Variants in LPCAT3 observed in about 807,000 individuals in gnomAD.
The protein encoded by LPCAT3 is lysophosphatidylcholine acyltransferase 3, also known as lysophospholipid acyltransferase 5.
Under a neutral mutation model 63.4 loss-of-function variants are expected in LPCAT3, and 21 were observed. The ratio of observed to expected loss-of-function variants is 0.33; its 90% CI spans 0.23 to 0.48. The LOEUF (loss-of-function observed/expected upper bound fraction) is 0.48, where lower values mean the gene tolerates loss of function less well. Among genes scored for constraint, LPCAT3 ranks in the 20% least tolerant of loss-of-function variants. LPCAT3 has a pLI of 0.99. For synonymous variants in LPCAT3, 242 were observed against 227.5 expected, an observed-to-expected ratio of 1.06 and a Z score of -0.58; for missense variants, 451 against 590.6, an observed-to-expected ratio of 0.76 and a Z score of 2.45.
At chr12:6,985,897 C>T in intron 1 of LPCAT3, among the ~76,000 whole-genome samples, 1 of 151,374 alleles carries the variant, frequency 6.6e-6, no homozygotes. Flanking sequence ...GCTTCAGCCT[C>T]CCAAGTAGCT....
chr12:7,011,592 G>A (rs782327616), intron 1 of LPCAT3, among the ~76,000 whole-genome samples: 1 of 147,758 alleles, frequency 6.8e-6, no homozygotes, highest in East Asian at 2.0e-4. Flanking sequence ...ACGTTGCAGT[G>A]AGCTGAGATT....
intron 1 of LPCAT3, among the ~76,000 whole-genome samples, chr12:7,011,941 A>T (rs1555157268): frequency 6.6e-6 from 1 of 152,196 alleles, no homozygotes; most frequent in Non-Finnish European, 1.5e-5. Context: ...TTGTGATTCC[A>T]GTGCTACCTG....
At chr12:7,006,913 C>T (rs911372213) in intron 1 of LPCAT3, among the ~76,000 whole-genome samples, 1 of 152,186 alleles carries the variant, frequency 6.6e-6, no homozygotes, top group African/African-American at 2.4e-5. Context: ...AAGCCATTTA[C>T]CACATCTACA....
intron 1 of LPCAT3, among the ~76,000 whole-genome samples, chr12:6,992,867 T>G (rs1238625999): frequency 6.6e-6 from 1 of 152,244 alleles, no homozygotes; most frequent in Non-Finnish European, 1.5e-5. Flanking sequence ...TAGTATTGCA[T>G]GTAACCTATG....
At chr12:6,986,094 A>G (rs1167816696) in intron 1 of LPCAT3, among the ~76,000 whole-genome samples, 4 of 151,584 alleles carry the variant, frequency 2.6e-5, no homozygotes, top group Non-Finnish European at 5.9e-5. Context: ...TTTTTTTTTA[A>G]TTGCTGTTCC....
intron 1 of LPCAT3, among the ~76,000 whole-genome samples, chr12:6,989,107 A>T (rs1946561189): frequency 6.6e-6 from 1 of 150,930 alleles, no homozygotes; most frequent in Admixed American, 6.6e-5. Flanking sequence ...TGGCAACAAG[A>T]GCGAAACTCC....
chr12:7,010,677 T>A (rs989124483), intron 1 of LPCAT3, among the ~76,000 whole-genome samples: 1 of 152,210 alleles, frequency 6.6e-6, no homozygotes, highest in Non-Finnish European at 1.5e-5. Flanking sequence ...ATTATATAAT[T>A]TTTTTTGTAA....
At chr12:7,015,042 A>G (rs1946788946) in intron 1 of LPCAT3, among the ~76,000 whole-genome samples, 1 of 152,254 alleles carries the variant, frequency 6.6e-6, no homozygotes, top group Non-Finnish European at 1.5e-5. Flanking sequence ...GTGTATACAC[A>G]TACAAGTCTG....
At chr12:6,990,767 ACC>A (rs1946581655) in intron 1 of LPCAT3, among the ~76,000 whole-genome samples, 2 of 150,770 alleles carry the variant, frequency 1.3e-5, no homozygotes, top group South Asian at 4.2e-4. Flanking sequence ...AAATACAAAA[ACC>A]AGCCAGACAT....
At chr12:7,006,279 C>T (rs1294000346) in intron 1 of LPCAT3, among the ~76,000 whole-genome samples, 1 of 152,186 alleles carries the variant, frequency 6.6e-6, no homozygotes, top group East Asian at 1.9e-4. Context: ...AGTACAGTGG[C>T]GTGATCTTGG....
chr12:7,000,478 C>T (rs1946675516), intron 1 of LPCAT3, among the ~76,000 whole-genome samples: 2 of 145,602 alleles, frequency 1.4e-5, no homozygotes, highest in Admixed American at 6.9e-5. Context: ...GTCCCAGCTA[C>T]TCGGGAGGCT....
At position 6,977,784 on chromosome 12, in the gene LPCAT3, T is replaced by C. The variant is rs1199861607; in HGVS notation, c.1041-39A>G. ...TGGGTGGGGCGACCCTCAAACTGAC[T>C]GGTCCTTGCATCCCGCCACCTGCCT... On this transcript the variant is annotated intron_variant, in intron 9 of 12. Coordinates refer to ENST00000261407, the MANE Select transcript of LPCAT3 (RefSeq NM_005768.6). This position sits in a 1 kb window ranked among gnomAD's most constrained non-coding sequence, Gnocchi z 4.5. 2 of 1,611,884 alleles carry C rather than the reference T, an allele frequency of 1.2e-6. No homozygotes were observed. Among genetic ancestry groups the C allele is most frequent in the South Asian group, 1.1e-5 (1 of 90,606 alleles).
chr12:6,982,620 CT>C, intron 3 of LPCAT3, 55 bp downstream of exon 3: 1 of 1,338,534 alleles, frequency 7.5e-7, no homozygotes, highest in East Asian at 2.3e-5. Context: ...CTGCCTACCC[CT>C]GTCCCCTGAA....
chr12:6,990,600 A>G (rs1946579888), intron 1 of LPCAT3, among the ~76,000 whole-genome samples: 2 of 151,726 alleles, frequency 1.3e-5, no homozygotes, highest in African/African-American at 4.8e-5. Flanking sequence ...TAATGTGGGA[A>G]CTATATATCA....
chr12:6,992,299 C>T (rs1745272374), intron 1 of LPCAT3, among the ~76,000 whole-genome samples: 1 of 151,752 alleles, frequency 6.6e-6, no homozygotes, highest in African/African-American at 2.4e-5. Flanking sequence ...CCCCACCGCA[C>T]TCTAGCCTGG....
At chr12:7,016,444 T>G (rs1946798160) in intron 1 of LPCAT3, among the ~76,000 whole-genome samples, 1 of 152,078 alleles carries the variant, frequency 6.6e-6, no homozygotes, top group African/African-American at 2.4e-5. Context: ...GCCCAGCTAA[T>G]TTTTATACTT....
chr12:6,979,797 A>G (rs1555153842), intron 6 of LPCAT3: 12 of 573,532 alleles, frequency 2.1e-5, no homozygotes, highest in Non-Finnish European at 3.7e-5. Flanking sequence ...GTTGTAGGAA[A>G]GTCAGGGCAG....
intron 1 of LPCAT3, among the ~76,000 whole-genome samples, chr12:6,994,230 CAG>C (rs1246779345): frequency 6.6e-6 from 1 of 152,096 alleles, no homozygotes; most frequent in African/African-American, 2.4e-5. Flanking sequence ...CCCTTTGGGA[CAG>C]AGTCTCTCTG....
intron 3 of LPCAT3, 54 bp from the exon 4 acceptor site, chr12:6,981,958 T>C (rs1565598366): frequency 1.1e-6 from 1 of 926,398 alleles, no homozygotes; most frequent in Non-Finnish European, 1.8e-6. Context: ...TTCTCCTTGC[T>C]CTGAAATTCA....
Sources: gnomAD v4.1 joint callset for allele counts (sites outside exome capture counted in the v4.1 genomes callset) on GRCh38, gnomAD v4.1.1 for gene constraint, Gnocchi (gnomAD v3.1) non-coding constraint, MANE v1.5 for transcripts, NCBI Gene and HGNC (gene_info 2026-07-23, HGNC 2026-07-21) for gene names.